The following CREM variants were observed in gnomAD, a reference collection of about 807,000 sequenced individuals.
CREM encodes cAMP-responsive element modulator.
In CREM, 13 loss-of-function variants were observed where a neutral mutation model predicts 37.3. That is an observed-to-expected ratio of 0.35 (90% CI 0.23 to 0.55). The LOEUF is 0.55. CREM is among the 20% of genes least tolerant of loss of function. The pLI is 0.88. For missense variants in CREM, 296 were observed against 362.3 expected (o/e 0.82, Z 1.49); for synonymous variants, 124 against 120.2 (o/e 1.03, Z -0.21).
chr10:35,166,406 C>G (rs1362535952), intron 3 of CREM, among the ~76,000 whole-genome samples: 1 of 151,856 alleles, frequency 6.6e-6, no homozygotes. Flanking sequence ...ACTAAAATTA[C>G]AAAAATTAAC....
At chr10:35,180,180 A>T (rs779872177) in intron 5 of CREM, among the ~76,000 whole-genome samples, 12 of 152,228 alleles carry the variant, frequency 7.9e-5, no homozygotes, top group Non-Finnish European at 1.5e-4. Flanking sequence ...GACAGCAGTC[A>T]TGTTGTTGAA....
intron 2 of CREM, among the ~76,000 whole-genome samples, chr10:35,138,518 A>G (rs1179837384): frequency 1.3e-5 from 2 of 151,014 alleles, no homozygotes; most frequent in African/African-American, 2.4e-5. Flanking sequence ...TACAACTAAA[A>G]TTTTAGAATT....
chr10:35,198,984 C>T (rs2095303704), intron 6 of CREM, among the ~76,000 whole-genome samples: 1 of 151,450 alleles, frequency 6.6e-6, no homozygotes, highest in African/African-American at 2.4e-5. Flanking sequence ...AGCCCATCTC[C>T]ACAAAAATAC....
Position 35,165,143 on chromosome 10 carries a change from CG to C in CREM, c.169-13744del, listed in dbSNP as rs1204781132. Among the ~76,000 whole-genome samples, 30 of 151,432 alleles carry C rather than the reference CG, an allele frequency of 2.0e-4. 1 individual carries two copies. The highest frequency in any genetic ancestry group is 4.2e-4 in the South Asian group (2 of 4,794). On this transcript the variant is annotated intron_variant, in intron 3 of 7. Coordinates refer to ENST00000685392, the MANE Select transcript of CREM (RefSeq NM_183011.2). ...AAGAAAAGAAGTTTGTTTTGGCTCA[CG>C]GTTCTGCAGGCTGCACAAGAAGCAT... is the stretch of plus-strand genomic sequence containing the variant.
At chr10:35,167,784 C>T (rs2093625271) in intron 3 of CREM, 1 of 1,614,000 alleles carries the variant, frequency 6.2e-7, no homozygotes, top group Non-Finnish European at 8.5e-7. Context: ...GATTATTCTT[C>T]AGGGGATGTG....
intron 2 of CREM, 59 bp from the exon 3 acceptor site, chr10:35,148,309 G>C: frequency 6.6e-7 from 1 of 1,506,570 alleles, no homozygotes; most frequent in Non-Finnish European, 9.0e-7. Context: ...TGTTCAACCT[G>C]TATTTCCAAA....
chr10:35,169,764 C>T (rs933554092), intron 3 of CREM, among the ~76,000 whole-genome samples: 4 of 152,000 alleles, frequency 2.6e-5, no homozygotes, highest in African/African-American at 9.7e-5. Flanking sequence ...TGAGATACGT[C>T]CCATCAATAC....
At chr10:35,195,622 G>A (rs141098710) in intron 6 of CREM, among the ~76,000 whole-genome samples, 1 of 152,066 alleles carries the variant, frequency 6.6e-6, no homozygotes. Context: ...TAAACATACA[G>A]TATATACCGT....
chr10:35,195,173 G>A, intron 6 of CREM: 1 of 1,613,680 alleles, frequency 6.2e-7, no homozygotes, highest in Non-Finnish European at 8.5e-7. Flanking sequence ...AGACAGTTCT[G>A]TCTGCAGAAG....
chr10:35,163,832 AAAAC>A (rs889130513), intron 3 of CREM, among the ~76,000 whole-genome samples: 4 of 152,016 alleles, frequency 2.6e-5, no homozygotes, highest in African/African-American at 4.8e-5. Context: ...CAAAAAACAA[AAAAC>A]AAACAAAAAA....
At chr10:35,167,258 A>G (rs965135484) in intron 3 of CREM, among the ~76,000 whole-genome samples, 1 of 152,200 alleles carries the variant, frequency 6.6e-6, no homozygotes, top group Admixed American at 6.5e-5. Context: ...ATTCTCTTAA[A>G]TGCTTTTTCC....
chr10:35,186,930 TATAA>T (rs1453263761), intron 5 of CREM, among the ~76,000 whole-genome samples: 21 of 100,000 alleles, frequency 2.1e-4, no homozygotes, highest in Admixed American at 1.4e-3. Context: ...ATATGTTATA[TATAA>T]ATACAATATA....
rs941932236 is a variant in CREM at position 35,212,557 on chromosome 10, C to T, written c.*1159C>T. The T allele has an allele frequency of 2.6e-5, 4 of 152,730 alleles. No homozygotes were observed. The highest frequency in any genetic ancestry group is 2.0e-4 in the Admixed American group (3 of 15,270). 9.5% of individuals were successfully genotyped at this position (152,730 alleles called of 1,614,324 possible). The stretch of plus-strand genomic sequence containing the variant: ...CTGTTGGGATCGCATTGCATACCTT[C>T]GGGGTACAAGTCAGTTTCTACACTG... On this transcript the variant is annotated 3_prime_UTR_variant, in exon 8 of 8. Coordinates refer to ENST00000685392, the MANE Select transcript of CREM (RefSeq NM_183011.2).
At chr10:35,194,097 C>CA (rs371978117) in intron 6 of CREM, among the ~76,000 whole-genome samples, 2,360 of 24,892 alleles carry the variant, frequency 0.095, 315 homozygotes, top group East Asian at 0.21. Flanking sequence ...GACTTCATCT[C>CA]AAAAAAAAAA....
At chr10:35,134,154 C>T (rs1176755363) in intron 1 of CREM, among the ~76,000 whole-genome samples, 2 of 150,282 alleles carry the variant, frequency 1.3e-5, no homozygotes, top group South Asian at 2.1e-4. Flanking sequence ...TCAAGTGATT[C>T]TCTTGCCTCA....
chr10:35,168,545 G>C (rs528115413), intron 3 of CREM, among the ~76,000 whole-genome samples: 46 of 152,252 alleles, frequency 3.0e-4, no homozygotes, highest in African/African-American at 1.0e-3. Flanking sequence ...CCATTCTGTA[G>C]GTTGCCTCTT....
At chr10:35,155,945 CTT>C (rs34319028) in intron 3 of CREM, among the ~76,000 whole-genome samples, 7 of 139,440 alleles carry the variant, frequency 5.0e-5, no homozygotes, top group Non-Finnish European at 3.1e-5. Flanking sequence ...TTCTTTCTTT[CTT>C]TTTTTTTTTT....
chr10:35,155,133 T>C (rs979823423), intron 3 of CREM, among the ~76,000 whole-genome samples: 1 of 152,310 alleles, frequency 6.6e-6, no homozygotes, highest in African/African-American at 2.4e-5. Context: ...ACAATAAAAA[T>C]GCATACAAAT....
At chr10:35,182,848 G>A (rs2094408298) in intron 5 of CREM, among the ~76,000 whole-genome samples, 1 of 152,194 alleles carries the variant, frequency 6.6e-6, no homozygotes, top group African/African-American at 2.4e-5. Context: ...TAACAGTTGA[G>A]CTGGTCGAAG....
Sources: allele counts gnomAD v4.1 joint callset (sites outside exome capture counted in the v4.1 genomes callset), GRCh38; gene constraint gnomAD v4.1.1; transcripts MANE v1.5; gene names NCBI Gene and HGNC (gene_info 2026-07-23, HGNC 2026-07-21).